RNASEH2B: variants seen among roughly 807,000 people sequenced by gnomAD.
RNASEH2B encodes Aicardi-Goutieres syndrome 2 protein.
In RNASEH2B, 36 loss-of-function variants were observed where a neutral mutation model predicts 45.0. The ratio of observed to expected loss-of-function variants is 0.80; its 90% CI spans 0.61 to 1.06. The LOEUF (loss-of-function observed/expected upper bound fraction) is 1.06, where lower values mean the gene tolerates loss of function less well. RNASEH2B is among the 50% of genes least tolerant of loss of function. RNASEH2B has a pLI of 0.00. For missense variants in RNASEH2B, 361 were observed against 360.3 expected, an observed-to-expected ratio of 1.00 and a Z score of -0.02; for synonymous variants, 119 against 125.7, an observed-to-expected ratio of 0.95 and a Z score of 0.35.
At chr13:50,922,689 G>T (rs1951540884) in intron 1 of RNASEH2B, among the ~76,000 whole-genome samples, 1 of 152,172 alleles carries the variant, frequency 6.6e-6, no homozygotes, top group Admixed American at 6.5e-5. Context: ...AGTTGGGAGA[G>T]GAGAGTCTGA....
chr13:50,941,768 C>G (rs1951835592), intron 5 of RNASEH2B: 1 of 152,154 alleles, frequency 6.6e-6, no homozygotes, highest in Admixed American at 6.5e-5. Flanking sequence ...AGTCCTGGCT[C>G]CAAAACAGCA....
intron 1 of RNASEH2B, among the ~76,000 whole-genome samples, chr13:50,924,661 T>A (rs2012177099): frequency 6.6e-6 from 1 of 152,114 alleles, no homozygotes; most frequent in Non-Finnish European, 1.5e-5. Flanking sequence ...TGGGCTCAAG[T>A]GATCCTCCCA....
intron 2 of RNASEH2B, 44 bp downstream of exon 2, chr13:50,927,522 C>A: frequency 8.3e-7 from 1 of 1,207,772 alleles, no homozygotes; most frequent in Non-Finnish European, 1.2e-6. Flanking sequence ...AATGTTGTGG[C>A]TAATGAGTAT....
chr13:50,963,366 G>C (rs190943808), intron 9 of RNASEH2B, among the ~76,000 whole-genome samples: 1 of 152,070 alleles, frequency 6.6e-6, no homozygotes, highest in African/African-American at 2.4e-5. Flanking sequence ...GTTTCTCCAT[G>C]TTGGTCAGGC....
chr13:50,950,318 G>A (rs1241158216), intron 9 of RNASEH2B: 2 of 152,176 alleles, frequency 1.3e-5, no homozygotes, highest in African/African-American at 4.8e-5. Context: ...TGGCCTTCAA[G>A]GTAGCTAAAA....
rs897411206 is a variant in RNASEH2B, at chr13:50,927,243, G to C, written c.65-164G>C. ...ACCTGAAATTCAACTGCAACTTGCA[G>C]AGAAATTGGTAATTTGCTCAAGATC... On this transcript the variant is annotated intron_variant, in intron 1 of 10. Coordinates refer to ENST00000336617, the MANE Select transcript of RNASEH2B (RefSeq NM_024570.4). 7 of 561,334 alleles carry C rather than the reference G, an allele frequency of 1.2e-5. No individual in the cohort carries two copies. The African/African-American group carries it at 1.3e-4, about 11-fold the overall frequency. 34.8% of individuals were successfully genotyped at this position (561,334 alleles called of 1,614,324 possible). A position where few individuals can be genotyped will look rare whatever the true frequency, so the allele number is the denominator to read the frequency against.
intron 5 of RNASEH2B, chr13:50,940,912 TCAGATCCA>T (rs1333394774): frequency 6.6e-6 from 1 of 152,164 alleles, no homozygotes; most frequent in East Asian, 1.9e-4. Flanking sequence ...AAAGTGAACA[TCAGATCCA>T]CAGCTTTGAT....
At chr13:50,931,955 T>TACACACACACAC (rs60335654) in intron 4 of RNASEH2B, among the ~76,000 whole-genome samples, 6,562 of 148,974 alleles carry the variant, frequency 0.044, 268 homozygotes, top group East Asian at 0.23. Flanking sequence ...CATCTCATTT[T>TACACACACACAC]ACACACACAC....
chr13:50,947,740 T>TA (rs1257884039), intron 7 of RNASEH2B, among the ~76,000 whole-genome samples: 2 of 152,100 alleles, frequency 1.3e-5, no homozygotes, highest in Non-Finnish European at 2.9e-5. Flanking sequence ...TCTACTGTAT[T>TA]ATACTTGTTT....
chr13:50,949,528 T>C (rs963332273), intron 9 of RNASEH2B, 23 bp downstream of exon 9: 5 of 1,606,490 alleles, frequency 3.1e-6, no homozygotes, highest in Non-Finnish European at 4.3e-6. Context: ...GACTAAGATA[T>C]CTTTGGGGGA....
At chr13:50,924,683 C>T (rs977982208) in intron 1 of RNASEH2B, among the ~76,000 whole-genome samples, 1 of 152,090 alleles carries the variant, frequency 6.6e-6, no homozygotes, top group African/African-American at 2.4e-5. Flanking sequence ...CTTAGCCTCC[C>T]GAGTAGCTGG....
At chr13:50,916,597 C>G (rs983614253) in intron 1 of RNASEH2B, among the ~76,000 whole-genome samples, 3 of 152,266 alleles carry the variant, frequency 2.0e-5, no homozygotes, top group South Asian at 4.1e-4. Flanking sequence ...GATACATTTA[C>G]AGAGCTGTAT....
intron 4 of RNASEH2B, 135 bp downstream of exon 4, chr13:50,930,894 A>G: frequency 1.3e-6 from 1 of 762,374 alleles, no homozygotes. Context: ...AGAAAACATG[A>G]ATCATATGGG....
rs1181338371 is a variant in RNASEH2B, at chr13:50,967,885, G to A, written c.742-2047G>A. ...ATCTCTTGGAAGACAAAGAGCTCCA[G>A]GTCTAGAGAAGCAAGTGGGAGGGTG... On this transcript the variant is annotated intron_variant, in intron 9 of 9. Coordinates refer to the RNASEH2B transcript ENST00000422660. 2.0e-5 allele frequency among the ~76,000 whole-genome samples: 3 copies of A among 152,174 alleles called. No individual in the cohort carries two copies. The East Asian group carries it at 5.8e-4, about 29-fold the overall frequency.
At chr13:50,915,442 C>G in intron 1 of RNASEH2B, 1 of 398,636 alleles carries the variant, frequency 2.5e-6, no homozygotes, top group Non-Finnish European at 4.4e-6. Context: ...ACCAGGAAGC[C>G]TTCCCATGGG....
intron 9 of RNASEH2B, among the ~76,000 whole-genome samples, chr13:50,965,422 C>T (rs1228393643): frequency 6.6e-6 from 1 of 152,212 alleles, no homozygotes; most frequent in African/African-American, 2.4e-5. Flanking sequence ...CATCATTAAG[C>T]AACACATGAC....
At chr13:50,929,881 GT>G (rs1167555751) in intron 3 of RNASEH2B, among the ~76,000 whole-genome samples, 3 of 152,200 alleles carry the variant, frequency 2.0e-5, no homozygotes, top group African/African-American at 7.2e-5. Flanking sequence ...CACATATTGT[GT>G]TGATTAGAAA....
At chr13:50,949,096 T>C in intron 8 of RNASEH2B, 1 of 184,632 alleles carries the variant, frequency 5.4e-6, no homozygotes, top group Admixed American at 5.7e-5. Context: ...ATGTGGCTTT[T>C]TGTGAACAGT....
intron 4 of RNASEH2B, among the ~76,000 whole-genome samples, chr13:50,932,508 C>T (rs889256606): frequency 6.6e-6 from 1 of 152,174 alleles, no homozygotes; most frequent in African/African-American, 2.4e-5. Flanking sequence ...AGTCTGGTGC[C>T]ACCACCAGAC....
Sources: allele counts gnomAD v4.1 joint callset (sites outside exome capture counted in the v4.1 genomes callset), GRCh38; gene constraint gnomAD v4.1.1; transcripts MANE v1.5; gene names NCBI Gene and HGNC (gene_info 2026-07-23, HGNC 2026-07-21).